Variants in LRBA observed in about 807,000 individuals in gnomAD.
LRBA encodes the protein lipopolysaccharide-responsive and beige-like anchor protein.
A neutral mutation model predicts 330.0 loss-of-function variants in LRBA; 176 were observed. The ratio of observed to expected loss-of-function variants is 0.53; its 90% confidence interval spans 0.47 to 0.60. LRBA has a LOEUF of 0.60. LRBA is among the 20% of genes least tolerant of loss of function. The probability of loss-of-function intolerance (pLI) is 0.00; values close to 1 mark genes in which losing one functional copy is unlikely to be tolerated. For synonymous variants in LRBA, 1,230 were observed against 1,193.0 expected (o/e 1.03, Z -0.64); for missense variants, 3,259 against 3,444.8 (o/e 0.95, Z 1.35).
intron 37 of LRBA, among the ~76,000 whole-genome samples, chr4:150,634,802 T>C (rs542975561): frequency 6.6e-6 from 1 of 152,270 alleles, no homozygotes; most frequent in East Asian, 1.9e-4. Context: ...GGCTGATAAA[T>C]ACAGTTTCTC....
intron 46 of LRBA, among the ~76,000 whole-genome samples, chr4:150,417,540 C>T (rs1283048902): frequency 4.6e-5 from 7 of 152,026 alleles, no homozygotes; most frequent in Admixed American, 2.0e-4. Context: ...CAGTAATACC[C>T]GCTGCCCACT....
chr4:150,751,396 A>C (rs1458382484), intron 35 of LRBA, among the ~76,000 whole-genome samples: 1 of 152,092 alleles, frequency 6.6e-6, no homozygotes, highest in Admixed American at 6.5e-5. Flanking sequence ...TGAAAATATT[A>C]AAATGACTTC....
chr4:150,941,764 G>A (rs747046792), intron 2 of LRBA, among the ~76,000 whole-genome samples: 15 of 151,908 alleles, frequency 9.9e-5, no homozygotes, highest in Non-Finnish European at 2.1e-4. Context: ...GCAGGCACCT[G>A]TAATCCCAGC....
At chr4:150,696,100 T>C (rs946102149) in intron 36 of LRBA, among the ~76,000 whole-genome samples, 2 of 151,952 alleles carry the variant, frequency 1.3e-5, no homozygotes, top group African/African-American at 4.8e-5. Context: ...CATGGTGGCA[T>C]GCACCTGTAG....
chr4:150,912,099 G>A (rs1309882422), intron 9 of LRBA, among the ~76,000 whole-genome samples: 1 of 151,738 alleles, frequency 6.6e-6, no homozygotes, highest in African/African-American at 2.4e-5. Context: ...GCCTATGTAA[G>A]AATTTGTCAA....
intron 2 of LRBA, among the ~76,000 whole-genome samples, chr4:151,002,361 G>C (rs975231315): frequency 7.9e-5 from 12 of 151,922 alleles, no homozygotes; most frequent in Non-Finnish European, 1.8e-4. Context: ...GAGGTCAGGA[G>C]TTCGAGACCA....
intron 34 of LRBA, among the ~76,000 whole-genome samples, chr4:150,776,952 A>C (rs1327162910): frequency 6.6e-6 from 1 of 152,236 alleles, no homozygotes; most frequent in African/African-American, 2.4e-5. Flanking sequence ...ATCTCTAAAA[A>C]ATAGAACATG....
chr4:150,304,778 G>A (rs886368331), intron 52 of LRBA, among the ~76,000 whole-genome samples: 4 of 152,200 alleles, frequency 2.6e-5, no homozygotes, highest in African/African-American at 7.2e-5. Context: ...GTAAACTGGC[G>A]GGGATCAGAT....
At chr4:150,401,025 T>C (rs938766641) in intron 47 of LRBA, among the ~76,000 whole-genome samples, 1 of 152,118 alleles carries the variant, frequency 6.6e-6, no homozygotes, top group Non-Finnish European at 1.5e-5. Flanking sequence ...ATGAAGTCAT[T>C]TGGATGTTCC....
chr4:150,266,338 A>T (rs1023249185), intron 56 of LRBA, among the ~76,000 whole-genome samples: 1 of 152,208 alleles, frequency 6.6e-6, no homozygotes, highest in African/African-American at 2.4e-5. Flanking sequence ...CTCTGTGGAG[A>T]AGTAGTCTAT....
intron 36 of LRBA, among the ~76,000 whole-genome samples, chr4:150,688,698 A>G (rs928621961): frequency 2.0e-5 from 3 of 152,236 alleles, no homozygotes; most frequent in African/African-American, 7.2e-5. Context: ...ACATATGAAA[A>G]AAAGCTCATC....
chr4:150,750,774 G>A (rs992279074), intron 35 of LRBA, among the ~76,000 whole-genome samples: 3 of 151,708 alleles, frequency 2.0e-5, no homozygotes, highest in Middle Eastern at 3.4e-3. Flanking sequence ...CTGTAGGTAC[G>A]GCATATATTA....
chr4:150,467,539 G>C (rs2152061602), intron 44 of LRBA, 134 bp downstream of exon 44: 2 of 557,884 alleles, frequency 3.6e-6, no homozygotes, highest in East Asian at 3.0e-5. Context: ...TTGAAAATCT[G>C]TTTAAGAGAT....
chr4:150,916,335 A>G, intron 7 of LRBA, 66 bp downstream of exon 7: 1 of 1,518,140 alleles, frequency 6.6e-7, no homozygotes, highest in Non-Finnish European at 8.9e-7. Flanking sequence ...GAATAACATT[A>G]AAACAAAGCA....
intron 2 of LRBA, among the ~76,000 whole-genome samples, chr4:151,000,654 T>C (rs1743225676): frequency 6.6e-6 from 1 of 152,208 alleles, no homozygotes; most frequent in African/African-American, 2.4e-5. Flanking sequence ...GCAGAATGCT[T>C]GAGATTTCAT....
intron 48 of LRBA, among the ~76,000 whole-genome samples, chr4:150,332,340 G>C (rs1734100180): frequency 6.6e-6 from 1 of 152,032 alleles, no homozygotes; most frequent in South Asian, 2.1e-4. Context: ...GATCTTTCTT[G>C]ACCTCACCCA....
chr4:150,780,630 C>CATATATATATACGT (rs1560807401), intron 34 of LRBA, among the ~76,000 whole-genome samples: 13 of 46,568 alleles, frequency 2.8e-4, no homozygotes, highest in African/African-American at 5.6e-4. Flanking sequence ...TATATATACA[C>CATATATATATACGT]GTATATATAT....
At chr4:150,288,117 G>T (rs1168806773) in intron 53 of LRBA, among the ~76,000 whole-genome samples, 1 of 151,562 alleles carries the variant, frequency 6.6e-6, no homozygotes, top group Non-Finnish European at 1.5e-5. Context: ...TTGGCCTCCT[G>T]AGTAGCTGGG....
chr4:151,014,474 C>T lies in LRBA; in HGVS notation c.169G>A (p.Val57Ile), dbSNP rs748548283. 1.9e-5 allele frequency: 30 copies of T among 1,614,132 alleles called. No individual in the cohort carries two copies. The highest frequency in any genetic ancestry group is 2.5e-5 in the Non-Finnish European group (30 of 1,180,050). The change falls in exon 2 of 57, where the codon GTT becomes ATT. Residue 57 changes from valine to isoleucine, a missense_variant. Val to Ile is a conservative substitution (Grantham distance 29). Coordinates refer to ENST00000651943, the MANE Select transcript of LRBA (RefSeq NM_001364905.1). Reference protein sequence around the residue: ...KFAVLTGLVEVGEVSNRDIVE... With the variant: ...KFAVLTGLVEIGEVSNRDIVE... ...ATATCCCTATTGGATACTTCTCCAACTTCAACCAAACCGGTCAACACGGCA... is the reference window on the plus strand; with the variant it reads ...ATATCCCTATTGGATACTTCTCCAATTTCAACCAAACCGGTCAACACGGCA...
Sources: gnomAD v4.1 joint callset for allele counts (sites outside exome capture counted in the v4.1 genomes callset) on GRCh38, gnomAD v4.1.1 for gene constraint, MANE v1.5 for transcripts, NCBI Gene and HGNC (gene_info 2026-07-23, HGNC 2026-07-21) for gene names.